FOXN3: variants seen among roughly 807,000 people sequenced by gnomAD.
The protein encoded by FOXN3 is forkhead box N3.
In FOXN3, 7 loss-of-function variants were observed where a neutral mutation model predicts 38.4. The ratio of observed to expected loss-of-function variants is 0.18; its 90% CI spans 0.10 to 0.34. FOXN3 has a LOEUF of 0.34. Among genes scored for constraint, FOXN3 ranks in the 10% least tolerant of loss-of-function variants. FOXN3 has a pLI of 1.00. For synonymous variants in FOXN3, 230 were observed against 242.2 expected (o/e 0.95, Z 0.47); for missense variants, 456 against 613.4 (o/e 0.74, Z 2.71).
intron 1 of FOXN3, among the ~76,000 whole-genome samples, chr14:89,477,260 C>T (rs924782912): frequency 1.3e-5 from 2 of 152,132 alleles, no homozygotes; most frequent in African/African-American, 4.8e-5. Flanking sequence ...GTCCAGAAAC[C>T]ACTGAAATAG....
At position 89,528,380 on chromosome 14, in the gene FOXN3, T is replaced by C. The variant is rs9323843; in HGVS notation, c.-15+90648A>G. On this transcript the variant is annotated intron_variant, in intron 1 of 6. Coordinates refer to the FOXN3 transcript ENST00000345097. The stretch of plus-strand genomic sequence containing the variant: ...CCATACTCAACATGGATGAATCTTT[T>C]TTTTTTTTTTTTTTTTTTTTTTTTT... 6.4e-3 allele frequency among the ~76,000 whole-genome samples: 382 copies of C among 59,234 alleles called. 5 individuals are homozygous for C. Among genetic ancestry groups the C allele is most frequent in the African/African-American group, 0.026 (367 of 14,076 alleles). The allele number at this position is 59,234 out of a possible 152,430, so 38.9% of individuals were successfully genotyped here.
chr14:89,534,778 G>T (rs1894649357), intron 1 of FOXN3, among the ~76,000 whole-genome samples: 1 of 152,174 alleles, frequency 6.6e-6, no homozygotes, highest in African/African-American at 2.4e-5. Context: ...GTGCATCAAG[G>T]TATGAGAACG....
intron 3 of FOXN3, among the ~76,000 whole-genome samples, chr14:89,332,842 T>G (rs1294445347): frequency 6.6e-6 from 1 of 152,230 alleles, no homozygotes; most frequent in Middle Eastern, 3.4e-3. Flanking sequence ...AAGGCACTCA[T>G]ACAACTCAAC....
At chr14:89,480,226 C>T (rs1413659356) in intron 1 of FOXN3, among the ~76,000 whole-genome samples, 1 of 152,022 alleles carries the variant, frequency 6.6e-6, no homozygotes, top group Non-Finnish European at 1.5e-5. Context: ...CACGGTGAAA[C>T]CCCATCTCTA....
chr14:89,452,479 C>T (rs1892632844), intron 1 of FOXN3, among the ~76,000 whole-genome samples: 1 of 152,212 alleles, frequency 6.6e-6, no homozygotes, highest in South Asian at 2.1e-4. Context: ...GGTGCAGGCT[C>T]ATTCTCCCCG....
At chr14:89,436,723 T>C (rs1455231614) in intron 1 of FOXN3, among the ~76,000 whole-genome samples, 5 of 152,234 alleles carry the variant, frequency 3.3e-5, no homozygotes, top group Non-Finnish European at 2.9e-5. Context: ...TGACTTCCTG[T>C]TCACAAAGTA....
At chr14:89,330,332 G>A (rs1426657044) in intron 3 of FOXN3, among the ~76,000 whole-genome samples, 1 of 152,224 alleles carries the variant, frequency 6.6e-6, no homozygotes, top group African/African-American at 2.4e-5. Flanking sequence ...TGCACTGGGA[G>A]TATCAAAAAT....
At chr14:89,166,105 C>A (rs1887234095) in intron 5 of FOXN3, among the ~76,000 whole-genome samples, 1 of 152,136 alleles carries the variant, frequency 6.6e-6, no homozygotes, top group Non-Finnish European at 1.5e-5. Flanking sequence ...GCTTTTCTTT[C>A]CCTTTTTTCC....
chr14:89,390,747 C>T (rs971225115), intron 2 of FOXN3, among the ~76,000 whole-genome samples: 1 of 152,154 alleles, frequency 6.6e-6, no homozygotes, highest in African/African-American at 2.4e-5. Context: ...GAGTCCCTTG[C>T]CCTCCCCTGC....
At chr14:89,527,042 TA>T (rs1894445859) in intron 1 of FOXN3, among the ~76,000 whole-genome samples, 1 of 128,542 alleles carries the variant, frequency 7.8e-6, no homozygotes, top group East Asian at 2.3e-4. Context: ...GAAAGGAGGA[TA>T]GGGAGGGGAG....
At chr14:89,480,295 C>T (rs1476469374) in intron 1 of FOXN3, among the ~76,000 whole-genome samples, 2 of 151,792 alleles carry the variant, frequency 1.3e-5, no homozygotes, top group Non-Finnish European at 2.9e-5. Flanking sequence ...CCCAGCTACT[C>T]GGGAGGCTGA....
chr14:89,188,028 G>T (rs962635266), intron 4 of FOXN3, among the ~76,000 whole-genome samples: 59 of 152,106 alleles, frequency 3.9e-4, no homozygotes, highest in African/African-American at 1.4e-3. Context: ...GACCTTTGTA[G>T]GCACCCCGGG....
intron 1 of FOXN3, among the ~76,000 whole-genome samples, chr14:89,516,567 T>G (rs1894209006): frequency 1.3e-5 from 2 of 150,550 alleles, no homozygotes; most frequent in Admixed American, 6.6e-5. Context: ...TAGTTTTTTT[T>G]TTTTTTTTTT....
chr14:89,180,866 C>A, intron 4 of FOXN3, 60 bp from the exon 5 acceptor site: 1 of 1,399,504 alleles, frequency 7.1e-7, no homozygotes, highest in South Asian at 1.3e-5. Context: ...GATTTCCGTT[C>A]CAAGTCAGAA....
chr14:89,584,136 G>A lies in FOXN3; in HGVS notation c.-15+34892C>T, dbSNP rs552239711. 2.6e-5 allele frequency among the ~76,000 whole-genome samples: 4 copies of A among 151,718 alleles called. No homozygotes were observed. The South Asian group carries it at 8.4e-4, about 32-fold the overall frequency. ...GGCCTCTCAAAGTGCTGGGATTACAGGTATGAGCCACCACACCTGGCCCTA... is the reference window on the plus strand; with the variant it reads ...GGCCTCTCAAAGTGCTGGGATTACAAGTATGAGCCACCACACCTGGCCCTA... On this transcript the variant is annotated intron_variant, in intron 1 of 6. Transcript: ENST00000345097.
chr14:89,479,839 G>T (rs1162971986), intron 1 of FOXN3, among the ~76,000 whole-genome samples: 1 of 152,130 alleles, frequency 6.6e-6, no homozygotes, highest in Non-Finnish European at 1.5e-5. Context: ...TGTTTCCGGG[G>T]AGCACCTAGA....
At chr14:89,259,400 T>C (rs1250557333) in intron 4 of FOXN3, among the ~76,000 whole-genome samples, 3 of 152,172 alleles carry the variant, frequency 2.0e-5, no homozygotes, top group African/African-American at 7.2e-5. Flanking sequence ...TTTGCTCTGG[T>C]CACTAGGAAG....
At chr14:89,339,970 G>T (rs1190898015) in intron 3 of FOXN3, among the ~76,000 whole-genome samples, 2 of 152,054 alleles carry the variant, frequency 1.3e-5, no homozygotes, top group Non-Finnish European at 2.9e-5. Flanking sequence ...GGGGGTGGGG[G>T]GCAATTTCCA....
rs79702037 is a variant in FOXN3, at chr14:89,237,012, C to A, written c.745+43938G>T. On this transcript the variant is annotated intron_variant, in intron 4 of 5. Transcript: ENST00000557258. ...GTCTACATACAACAGAAGACAAATT[C>A]CCCCTGGACCTAAGTTTCAGGCCCC... Among the ~76,000 whole-genome samples the A allele has an allele frequency of 2.0e-3, 302 of 152,278 alleles. 1 individual carries two copies. The highest frequency in any genetic ancestry group is 6.8e-3 in the African/African-American group (282 of 41,540).
Sources: gnomAD v4.1 joint callset for allele counts (sites outside exome capture counted in the v4.1 genomes callset) on GRCh38, gnomAD v4.1.1 for gene constraint, MANE v1.5 for transcripts, NCBI Gene and HGNC (gene_info 2026-07-23, HGNC 2026-07-21) for gene names.